Variants in SETX observed in about 807,000 individuals in gnomAD.
SETX encodes the protein helicase senataxin.
Under a neutral mutation model 227.2 loss-of-function variants are expected in SETX, and 90 were observed. The ratio of observed to expected loss-of-function variants is 0.40; its 90% confidence interval spans 0.33 to 0.47. SETX has a LOEUF of 0.47. Ranked by LOEUF, SETX falls within the 20% of genes least tolerant of loss-of-function variation. SETX has a pLI of 0.91. For synonymous variants in SETX, 1,210 were observed against 1,113.2 expected (o/e 1.09, Z -1.73); for missense variants, 3,052 against 3,181.5 (o/e 0.96, Z 0.98).
chr9:132,294,905 TA>T (rs1334325255), intron 15 of SETX, among the ~76,000 whole-genome samples: 6 of 152,006 alleles, frequency 3.9e-5, no homozygotes, highest in Non-Finnish European at 8.8e-5. Context: ...TTTTGATTTT[TA>T]AAAAAAAGAA....
Position 132,327,511 on chromosome 9 carries a change from G to C in SETX, c.4087C>G (p.Arg1363Gly). Residue 1363 changes from arginine to glycine, a missense_variant, in exon 10 of 26, where the codon CGA becomes GGA. Around this residue, in one of 10 missense-constraint regions of SETX, gnomAD observed 1,483 missense variants for 1,312.0 expected, o/e 1.13. Transcript: ENST00000224140. ...GTACTTTCACAATCAGAAAGTCTTC[G>C]TCTATTTTTTTGTGATTTGGGTCTG... ...QIRPKSQKNR[R>G]RLSDCESTDV... The C allele has an allele frequency of 6.2e-7, 1 of 1,613,982 alleles. No homozygotes were observed. Among genetic ancestry groups the C allele is most frequent in the Non-Finnish European group, 8.5e-7 (1 of 1,180,018 alleles).
chr9:132,320,520 G>A (rs1846253562), intron 10 of SETX, among the ~76,000 whole-genome samples: 1 of 150,344 alleles, frequency 6.7e-6, no homozygotes, highest in African/African-American at 2.4e-5. Context: ...TGTGAACCCG[G>A]GAGGCAGAGC....
At chr9:132,345,715 T>A (rs1026101014) in intron 4 of SETX, among the ~76,000 whole-genome samples, 2 of 152,192 alleles carry the variant, frequency 1.3e-5, no homozygotes, top group African/African-American at 4.8e-5. Context: ...GTTAAAAAAT[T>A]TTCACAATAA....
intron 10 of SETX, among the ~76,000 whole-genome samples, chr9:132,314,076 A>C (rs1408159011): frequency 6.6e-6 from 1 of 152,098 alleles, no homozygotes; most frequent in East Asian, 1.9e-4. Context: ...GAATACAGGC[A>C]TGCGCCACCA....
At chr9:132,271,833 T>TAA in intron 23 of SETX, 25 bp from the exon 24 acceptor site, 1 of 1,584,112 alleles carries the variant, frequency 6.3e-7, no homozygotes. Context: ...GAAACATATT[T>TAA]ACTGGAAAAA....
chr9:132,327,083 A>C lies in SETX; in HGVS notation c.4515T>G (p.Asp1505Glu). ...TCTCCATTTGTGAACATAAATCCATATCTTCAGGATCATTTTGGGTTAAAA... is the reference window on the plus strand; with the variant it reads ...TCTCCATTTGTGAACATAAATCCATCTCTTCAGGATCATTTTGGGTTAAAA... ...NLFLTQNDPE[D>E]MDLCSQMEND... The change falls in exon 10 of 26, where the codon GAT (aspartate) becomes GAG (glutamate). Residue 1505 changes from aspartate to glutamate, a missense_variant. Coordinates refer to ENST00000224140, the MANE Select transcript of SETX (RefSeq NM_015046.7). 1 of 1,614,200 alleles carries C rather than the reference A, an allele frequency of 6.2e-7. No individual in the cohort carries two copies. Among genetic ancestry groups the C allele is most frequent in the Non-Finnish European group, 8.5e-7 (1 of 1,180,038 alleles).
At chr9:132,315,355 C>T (rs926592079) in intron 10 of SETX, among the ~76,000 whole-genome samples, 1 of 152,134 alleles carries the variant, frequency 6.6e-6, no homozygotes, top group Non-Finnish European at 1.5e-5. Context: ...AAGCAACTGA[C>T]ATTCATCTCC....
chr9:132,349,269 A>G lies in SETX; in HGVS notation c.160T>C (p.Leu54=), dbSNP rs1368647249. ...VAEYHKARDE[L]PFLHEVLWEL... is the part of the protein sequence containing the mutation. Reference sequence around the variant, plus strand: ...TATTTTACCTCATGCAAGAATGGCAATTCATCTCTTGCTTTGTGGTACTCA... The same window carrying G: ...TATTTTACCTCATGCAAGAATGGCAGTTCATCTCTTGCTTTGTGGTACTCA... Residue 54 remains leucine, a synonymous_variant, in exon 3 of 26, where the codon TTG becomes CTG. Transcript: ENST00000224140. 2.5e-6 allele frequency: 4 copies of G among 1,614,092 alleles called. No individual in the cohort carries two copies. The Middle Eastern group carries it at 5.0e-4, about 201-fold the overall frequency.
At chr9:132,351,909 C>T (rs753463515) in intron 2 of SETX, among the ~76,000 whole-genome samples, 15 of 152,126 alleles carry the variant, frequency 9.9e-5, no homozygotes, top group Non-Finnish European at 1.2e-4. Flanking sequence ...TCTCTGAGCA[C>T]CCACCAAAAA....
At position 132,287,360 on chromosome 9, in the gene SETX, C is replaced by T. The variant is rs1006604364; in HGVS notation, c.6325-866G>A. Among the ~76,000 whole-genome samples the T allele has an allele frequency of 5.3e-5, 8 of 152,236 alleles. No individual in the cohort carries two copies. The South Asian group carries it at 6.2e-4, about 12-fold the overall frequency. The stretch of plus-strand genomic sequence containing the variant: ...AAAATTAGCCAGGCATGATGGCACA[C>T]GGCTGTAGTCCCAGCTACTCAAGAG... On this transcript the variant is annotated intron_variant, in intron 17 of 25. Coordinates refer to ENST00000224140, the MANE Select transcript of SETX (RefSeq NM_015046.7).
chr9:132,282,433 C>T (rs1308267568), intron 19 of SETX, among the ~76,000 whole-genome samples: 1 of 151,726 alleles, frequency 6.6e-6, no homozygotes, highest in East Asian at 1.9e-4. Flanking sequence ...GAATGACAGG[C>T]ACACACCATC....
At chr9:132,292,755 G>A (rs535522178) in intron 15 of SETX, among the ~76,000 whole-genome samples, 6 of 150,688 alleles carry the variant, frequency 4.0e-5, no homozygotes, top group Non-Finnish European at 5.9e-5. Flanking sequence ...TCAGCCTCCC[G>A]AGTAGCTAGG....
intron 15 of SETX, among the ~76,000 whole-genome samples, chr9:132,293,406 G>A (rs1418943213): frequency 6.6e-6 from 1 of 152,048 alleles, no homozygotes; most frequent in Non-Finnish European, 1.5e-5. Flanking sequence ...ACTCAGAGAG[G>A]ATATCATTTG....
intron 2 of SETX, among the ~76,000 whole-genome samples, chr9:132,352,027 C>T (rs151078976): frequency 6.6e-6 from 1 of 152,320 alleles, no homozygotes; most frequent in Non-Finnish European, 1.5e-5. Context: ...ATTAACTAGC[C>T]AGAAACTTCA....
At chr9:132,269,524 G>A (rs750948088) in intron 25 of SETX, 91 bp downstream of exon 25, 1 of 1,606,442 alleles carries the variant, frequency 6.2e-7, no homozygotes, top group South Asian at 1.1e-5. Context: ...TTGTAATCCA[G>A]AAATCATTTA....
intron 22 of SETX, 101 bp downstream of exon 22, chr9:132,276,959 G>A (rs536468119): frequency 2.0e-6 from 2 of 998,002 alleles, no homozygotes; most frequent in South Asian, 1.3e-5. Flanking sequence ...CTGACACTAG[G>A]CAGAGAGATG....
intron 10 of SETX, among the ~76,000 whole-genome samples, chr9:132,325,058 A>T (rs1846619773): frequency 6.6e-6 from 1 of 152,206 alleles, no homozygotes; most frequent in Non-Finnish European, 1.5e-5. Flanking sequence ...AGCTGCTGTG[A>T]TGAGTAAGAA....
rs755287426 is a variant in SETX, at chr9:132,327,013, C to G, written c.4585G>C (p.Val1529Leu). Residue 1529 changes from valine (V) to leucine (L), a missense_variant, in exon 10 of 26, where the codon GTT becomes CTT. Physicochemically the swap from Val to Leu is conservative, Grantham distance 32. Transcript: ENST00000224140. The part of the protein sequence containing the change: ...LIELIHGKDT[V>L]EVEEDSVSRP... ...CTTACAGAATCTTCTTCAACCTCAA[C>G]TGTATCTTTTCCATGAATTAGTTCA... 66 of 1,614,110 alleles carry G rather than the reference C, an allele frequency of 4.1e-5. No homozygotes were observed. Among genetic ancestry groups the G allele is most frequent in the Non-Finnish European group, 5.3e-5 (62 of 1,180,038 alleles).
intron 10 of SETX, among the ~76,000 whole-genome samples, chr9:132,324,394 G>A (rs984731039): frequency 4.6e-5 from 7 of 152,100 alleles, no homozygotes; most frequent in Non-Finnish European, 7.3e-5. Flanking sequence ...GCCATGTACA[G>A]TGTTAACAAC....
Sources: gnomAD v4.1 joint callset for allele counts (sites outside exome capture counted in the v4.1 genomes callset) on GRCh38, gnomAD v4.1.1 for gene constraint, gnomAD v4.1.1 regional missense constraint, MANE v1.5 for transcripts, NCBI Gene and HGNC (gene_info 2026-07-23, HGNC 2026-07-21) for gene names.